The following CELF4 variants were observed in gnomAD, a reference collection of about 807,000 sequenced individuals.
The protein encoded by CELF4 is CUGBP Elav-like family member 4.
Under a neutral mutation model 59.9 loss-of-function variants are expected in CELF4, and 18 were observed. The ratio of observed to expected loss-of-function variants is 0.30; its 90% CI spans 0.21 to 0.45. The LOEUF is 0.45. Ranked by LOEUF, CELF4 falls within the 20% of genes least tolerant of loss-of-function variation. CELF4 has a pLI of 1.00. For missense variants in CELF4, 456 were observed against 689.0 expected (o/e 0.66, Z 3.79); for synonymous variants, 261 against 267.1 (o/e 0.98, Z 0.22).
At chr18:37,546,358 C>A (rs931379892) in intron 1 of CELF4, among the ~76,000 whole-genome samples, 1 of 151,900 alleles carries the variant, frequency 6.6e-6, no homozygotes, top group East Asian at 1.9e-4. Flanking sequence ...CACACATGCT[C>A]ACTACATACT....
chr18:37,289,566 C>T (rs72883630), intron 3 of CELF4, among the ~76,000 whole-genome samples: 10,093 of 152,068 alleles, frequency 0.066, 465 homozygotes, highest in Middle Eastern at 0.12. Context: ...TCCCTTCCCC[C>T]ACAGCCAGAC....
chr18:37,508,052 C>G (rs1477981361), intron 1 of CELF4, among the ~76,000 whole-genome samples: 1 of 152,230 alleles, frequency 6.6e-6, no homozygotes, highest in Non-Finnish European at 1.5e-5. Context: ...TTTGTGTTTC[C>G]TGCAGTTCCT....
intron 2 of CELF4, among the ~76,000 whole-genome samples, chr18:37,464,831 A>G (rs1470068539): frequency 1.3e-5 from 2 of 152,208 alleles, no homozygotes; most frequent in South Asian, 2.1e-4. Flanking sequence ...CACACTGGCA[A>G]TGCTGCCCGA....
intron 2 of CELF4, among the ~76,000 whole-genome samples, chr18:37,356,856 C>T (rs1279878664): frequency 2.0e-5 from 3 of 152,284 alleles, no homozygotes; most frequent in South Asian, 2.1e-4. Flanking sequence ...GCCAGGCACT[C>T]GGCACCTTGC....
chr18:37,531,709 A>G (rs2099969748), intron 1 of CELF4, among the ~76,000 whole-genome samples: 1 of 152,140 alleles, frequency 6.6e-6, no homozygotes, highest in Non-Finnish European at 1.5e-5. Flanking sequence ...CCATCATGGA[A>G]GTGGCACCGT....
chr18:37,552,583 T>A (rs2099983578), intron 1 of CELF4, among the ~76,000 whole-genome samples: 1 of 152,260 alleles, frequency 6.6e-6, no homozygotes, highest in Non-Finnish European at 1.5e-5. Context: ...AGACTAGCCC[T>A]CTTAATCACT....
intron 1 of CELF4, chr18:37,529,054 G>A (rs1032230777): frequency 2.0e-5 from 3 of 152,130 alleles, no homozygotes; most frequent in Non-Finnish European, 2.9e-5. Flanking sequence ...GGATGACCCA[G>A]GTGGAGGTGG....
At chr18:37,455,171 A>T (rs1263470416) in intron 2 of CELF4, among the ~76,000 whole-genome samples, 2 of 152,250 alleles carry the variant, frequency 1.3e-5, no homozygotes, top group Non-Finnish European at 2.9e-5. Context: ...TTTTGTTTTA[A>T]GGATTTAATG....
chr18:37,264,304 A>G (rs896238195), intron 10 of CELF4, among the ~76,000 whole-genome samples: 4 of 152,344 alleles, frequency 2.6e-5, no homozygotes, highest in Non-Finnish European at 4.4e-5. Context: ...AAACCCAACC[A>G]TTCAGAAGGG....
intron 2 of CELF4, among the ~76,000 whole-genome samples, chr18:37,414,667 T>C (rs907778424): frequency 3.3e-5 from 5 of 151,958 alleles, no homozygotes; most frequent in Non-Finnish European, 7.4e-5. Flanking sequence ...CCGGCTAATT[T>C]TTTGCATTTT....
At chr18:37,373,015 T>A (rs754966920) in intron 2 of CELF4, among the ~76,000 whole-genome samples, 1 of 152,194 alleles carries the variant, frequency 6.6e-6, no homozygotes, top group Non-Finnish European at 1.5e-5. Flanking sequence ...ACACTCCCTT[T>A]ACCTGGTAAC....
intron 1 of CELF4, among the ~76,000 whole-genome samples, chr18:37,512,270 A>G (rs2099945290): frequency 6.6e-6 from 1 of 152,152 alleles, no homozygotes; most frequent in Non-Finnish European, 1.5e-5. Flanking sequence ...GCCAATGTCC[A>G]TGTGCTGAGC....
In CELF4 at chr18:37,500,228, C is replaced by T. The variant is rs570355055; in HGVS notation, c.287-14621G>A. 7.2e-5 allele frequency among the ~76,000 whole-genome samples: 11 copies of T among 152,266 alleles called. No homozygotes were observed. The East Asian group carries it at 1.4e-3, about 19-fold the overall frequency. On this transcript the variant is annotated intron_variant, in intron 1 of 12. Coordinates refer to ENST00000420428, the MANE Select transcript of CELF4 (RefSeq NM_020180.4). The stretch of plus-strand genomic sequence containing the variant: ...TGCCCCTGCCTGGGTGGACGGCAGG[C>T]GGCAGCCATGGCTGGGGAGAGAGGG...
intron 3 of CELF4, among the ~76,000 whole-genome samples, chr18:37,314,960 T>A (rs1280389255): frequency 6.6e-6 from 1 of 152,114 alleles, no homozygotes; most frequent in Non-Finnish European, 1.5e-5. Flanking sequence ...AAGTGTGTTG[T>A]CGGCCGGTGG....
intron 2 of CELF4, among the ~76,000 whole-genome samples, chr18:37,405,075 C>T (rs1324785340): frequency 6.6e-6 from 1 of 152,180 alleles, no homozygotes; most frequent in African/African-American, 2.4e-5. Context: ...TGGGCTTGGG[C>T]CTGAAAGCAG....
chr18:37,531,601 C>T (rs144051267), intron 1 of CELF4, among the ~76,000 whole-genome samples: 48 of 152,194 alleles, frequency 3.2e-4, no homozygotes, highest in Admixed American at 1.5e-3. Context: ...TTTGTTTTAA[C>T]GGCAAAACCT....
chr18:37,510,602 C>T (rs1250368232), intron 1 of CELF4, among the ~76,000 whole-genome samples: 1 of 152,242 alleles, frequency 6.6e-6, no homozygotes, highest in Non-Finnish European at 1.5e-5. Context: ...ACTCGACTTG[C>T]CCTTGGCCCT....
At chr18:37,399,418 A>G (rs990068329) in intron 2 of CELF4, among the ~76,000 whole-genome samples, 1 of 152,170 alleles carries the variant, frequency 6.6e-6, no homozygotes, top group Non-Finnish European at 1.5e-5. Flanking sequence ...TGCTGGCTCC[A>G]TGCCCTTGGA....
chr18:37,564,781 G>T (rs1260464889), intron 1 of CELF4, among the ~76,000 whole-genome samples: 1 of 151,594 alleles, frequency 6.6e-6, no homozygotes, highest in Non-Finnish European at 1.5e-5. Context: ...ACCACAATCA[G>T]ATTATTGAGG....
Sources: gnomAD v4.1 joint callset for allele counts (sites outside exome capture counted in the v4.1 genomes callset) on GRCh38, gnomAD v4.1.1 for gene constraint, MANE v1.5 for transcripts, NCBI Gene and HGNC (gene_info 2026-07-23, HGNC 2026-07-21) for gene names.